Variants in BLTP3B observed in about 807,000 individuals in gnomAD.
BLTP3B encodes bridge-like lipid transfer protein family member 3B.
the BLTP3B span, among the ~76,000 whole-genome samples, chr12:100,113,868 G>A: frequency 3.3e-5 from 5 of 151,838 alleles, no homozygotes; most frequent in African/African-American, 4.8e-5. Flanking sequence ...GATGTTACAG[G>A]GAATTTAACA....
At chr12:100,098,642 C>T in the BLTP3B span, 1 of 1,279,890 alleles carries the variant, frequency 7.8e-7, no homozygotes, top group Non-Finnish European at 1.0e-6. Flanking sequence ...TGGCTCATAC[C>T]TGTACTCCCA....
At chr12:100,127,458 C>A in the BLTP3B span, among the ~76,000 whole-genome samples, 1 of 152,184 alleles carries the variant, frequency 6.6e-6, no homozygotes, top group Non-Finnish European at 1.5e-5. Flanking sequence ...ATAAGTTGCA[C>A]AATTCTACTT....
chr12:100,115,925 C>A, the BLTP3B span, among the ~76,000 whole-genome samples: 2 of 151,966 alleles, frequency 1.3e-5, no homozygotes, highest in Non-Finnish European at 1.5e-5. Flanking sequence ...GCCTGTAATC[C>A]CAGCACTTTA....
chr12:100,121,352 T>C, the BLTP3B span, among the ~76,000 whole-genome samples: 1 of 84,092 alleles, frequency 1.2e-5, no homozygotes, highest in East Asian at 5.0e-4. Flanking sequence ...CTCCATCTCA[T>C]GGAAAAAAAA....
At chr12:100,138,609 T>A in the BLTP3B span, among the ~76,000 whole-genome samples, 1 of 152,364 alleles carries the variant, frequency 6.6e-6, no homozygotes, top group South Asian at 2.1e-4. Flanking sequence ...AAACTGACCC[T>A]GGTTGACAAC....
At chr12:100,116,214 C>T in the BLTP3B span, among the ~76,000 whole-genome samples, 375 of 150,726 alleles carry the variant, frequency 2.5e-3, 2 homozygotes, top group African/African-American at 8.2e-3. Context: ...CAGTGGCTCA[C>T]GGCTGTAATC....
chr12:100,112,858 C>CAAAAA, the BLTP3B span, among the ~76,000 whole-genome samples: 148 of 60,602 alleles, frequency 2.4e-3, 5 homozygotes, highest in East Asian at 0.056. Context: ...GACTCCATCT[C>CAAAAA]AAAAAAAAAA....
At chr12:100,122,209 C>A in the BLTP3B span, among the ~76,000 whole-genome samples, 4 of 152,166 alleles carry the variant, frequency 2.6e-5, no homozygotes, top group Non-Finnish European at 5.9e-5. Flanking sequence ...CACCCCATTG[C>A]ATCTGCCATC....
the BLTP3B span, among the ~76,000 whole-genome samples, chr12:100,107,289 CAAAAAAAAAAAA>C: frequency 1.1e-4 from 4 of 35,346 alleles, no homozygotes; most frequent in Non-Finnish European, 1.9e-4. Flanking sequence ...CTCCATCTCC[CAAAAAAAAAAAA>C]AAAAAAAAAA....
the BLTP3B span, chr12:100,037,136 T>G: frequency 3.4e-6 from 3 of 886,638 alleles, no homozygotes; most frequent in African/African-American, 5.4e-5. Flanking sequence ...AATTAAATAA[T>G]TATAGATTTA....
the BLTP3B span, chr12:100,058,295 T>C: frequency 6.2e-7 from 1 of 1,613,914 alleles, no homozygotes; most frequent in East Asian, 2.2e-5. Context: ...CACTTGTTTC[T>C]GATCCAATTT....
At chr12:100,073,591 ATAAT>A in the BLTP3B span, among the ~76,000 whole-genome samples, 2 of 152,030 alleles carry the variant, frequency 1.3e-5, no homozygotes, top group Non-Finnish European at 1.5e-5. Flanking sequence ...GTATATATAT[ATAAT>A]TATTATTGTA....
the BLTP3B span, among the ~76,000 whole-genome samples, chr12:100,111,843 A>T: frequency 1.3e-5 from 2 of 152,028 alleles, no homozygotes; most frequent in South Asian, 4.1e-4. Context: ...CGACCTTGTG[A>T]TCCATCCACC....
At chr12:100,104,856 A>G in the BLTP3B span, among the ~76,000 whole-genome samples, 1 of 146,996 alleles carries the variant, frequency 6.8e-6, no homozygotes, top group South Asian at 2.2e-4. Flanking sequence ...CAGGAACTCA[A>G]TCCCTTTTAC....
the BLTP3B span, among the ~76,000 whole-genome samples, chr12:100,075,060 G>T: frequency 2.0e-5 from 3 of 150,868 alleles, no homozygotes; most frequent in African/African-American, 7.3e-5. Context: ...CACCCAGGCT[G>T]GAGTGCAATG....
the BLTP3B span, among the ~76,000 whole-genome samples, chr12:100,091,664 G>A: frequency 6.0e-5 from 9 of 151,204 alleles, no homozygotes; most frequent in Non-Finnish European, 1.2e-4. Flanking sequence ...CACCACGCCC[G>A]GCTAAATTTT....
chr12:100,073,769 C>T, the BLTP3B span, among the ~76,000 whole-genome samples: 1 of 152,044 alleles, frequency 6.6e-6, no homozygotes, highest in Non-Finnish European at 1.5e-5. Flanking sequence ...AAACAAAAAC[C>T]ATATGATTAT....
At chr12:100,068,408 T>C in the BLTP3B span, among the ~76,000 whole-genome samples, 1 of 152,134 alleles carries the variant, frequency 6.6e-6, no homozygotes, top group South Asian at 2.1e-4. Flanking sequence ...GAAGATAACA[T>C]TGGAAAGACT....
chr12:100,038,775 A>G, the BLTP3B span, among the ~76,000 whole-genome samples: 2 of 152,222 alleles, frequency 1.3e-5, no homozygotes, highest in African/African-American at 2.4e-5. Context: ...AAATATAGCC[A>G]TTCCTAAGTA....
Sources: gnomAD v4.1 joint callset for allele counts (sites outside exome capture counted in the v4.1 genomes callset) on GRCh38, gnomAD v4.1.1 for gene constraint, MANE v1.5 for transcripts, NCBI Gene and HGNC (gene_info 2026-07-23, HGNC 2026-07-21) for gene names.